Variants in OR7A5 observed in about 807,000 individuals in gnomAD.
OR7A5 encodes the protein olfactory receptor 7A5.
For synonymous variants in OR7A5, 140 were observed against 146.7 expected (o/e 0.95, Z 0.33); for missense variants, 319 against 377.9 (o/e 0.84, Z 1.29).
At chr19:14,832,898 A>G (rs2044847750) in intron 1 of OR7A5, among the ~76,000 whole-genome samples, 1 of 151,788 alleles carries the variant, frequency 6.6e-6, no homozygotes, top group Non-Finnish European at 1.5e-5. Flanking sequence ...ATTTAATCAT[A>G]TCAACATAAA....
In OR7A5 at chr19:14,827,012, T is replaced by G. The variant is rs2044774099; in HGVS notation, c.*270A>C. ...AGGAGACATACAACTCTTCCCTGTATGAGACAAATGGAAATCTCCAAAGTG... is the reference window on the plus strand; with the variant it reads ...AGGAGACATACAACTCTTCCCTGTAGGAGACAAATGGAAATCTCCAAAGTG... On this transcript the variant is annotated 3_prime_UTR_variant, in exon 2 of 2. Transcript: ENST00000322301. 7.0e-6 allele frequency: 2 copies of G among 287,716 alleles called. No homozygotes were observed. Among genetic ancestry groups the G allele is most frequent in the Admixed American group, 4.7e-5 (1 of 21,486 alleles). The allele number at this position is 287,716 out of a possible 1,614,324, so 17.8% of individuals were successfully genotyped here.
chr19:14,826,793 A>C lies in OR7A5; in HGVS notation c.*489T>G, dbSNP rs1480054628. The C allele has an allele frequency of 1.3e-5, 2 of 152,814 alleles. No individual in the cohort carries two copies. Among genetic ancestry groups the C allele is most frequent in the Non-Finnish European group, 2.9e-5 (2 of 68,546 alleles). The allele number at this position is 152,814 out of a possible 1,614,324, so 9.5% of individuals were successfully genotyped here. On this transcript the variant is annotated 3_prime_UTR_variant, in exon 2 of 2. Coordinates refer to ENST00000322301, the MANE Select transcript of OR7A5 (RefSeq NM_017506.2). ...GCACTGACAAAGACATGATGTCCTA[A>C]TGAGGACAACACAATCTCATGACCA...
chr19:14,832,835 T>C (rs1308559072), intron 1 of OR7A5, among the ~76,000 whole-genome samples: 2 of 152,122 alleles, frequency 1.3e-5, no homozygotes, highest in African/African-American at 4.8e-5. Flanking sequence ...TAATCAACTG[T>C]AGTGAATAAA....
chr19:14,827,531 T>C lies in OR7A5; in HGVS notation c.711A>G (p.Ala237=). 1 of 1,614,028 alleles carries C rather than the reference T, an allele frequency of 6.2e-7. No individual in the cohort carries two copies. The highest frequency in any genetic ancestry group is 8.5e-7 in the Non-Finnish European group (1 of 1,179,992). The part of the protein sequence containing the change: ...AISSAQGKYK[A]FSTCASHLSV... ...AGAGGTGAGATGCACAGGTGGAAAA[T>C]GCCTTGTACTTCCCCTGAGCTGATG... Residue 237 remains alanine, a synonymous_variant, in exon 2 of 2, where the codon GCA becomes GCG. Coordinates refer to ENST00000322301, the MANE Select transcript of OR7A5 (RefSeq NM_017506.2).
At chr19:14,833,443 C>G (rs949564872) in intron 1 of OR7A5, among the ~76,000 whole-genome samples, 2 of 152,184 alleles carry the variant, frequency 1.3e-5, no homozygotes, top group South Asian at 4.1e-4. Flanking sequence ...CGCACCACTG[C>G]ATTCCATCCT....
rs754823044 is a variant in OR7A5 at position 14,826,475 on chromosome 19, C to A, written c.*807G>T. 11 of 152,104 alleles carry A rather than the reference C, an allele frequency of 7.2e-5. No homozygotes were observed. Among genetic ancestry groups the A allele is most frequent in the Admixed American group, 2.0e-4 (3 of 15,272 alleles). 9.4% of individuals were successfully genotyped at this position (152,104 alleles called of 1,614,324 possible). ...GTATGGATGCATGAAACATTATAGACCATGGCACCAAATCCATCACTCCAA... is the reference window on the plus strand; with the variant it reads ...GTATGGATGCATGAAACATTATAGAACATGGCACCAAATCCATCACTCCAA... On this transcript the variant is annotated 3_prime_UTR_variant, in exon 2 of 2. Coordinates refer to ENST00000322301, the MANE Select transcript of OR7A5 (RefSeq NM_017506.2).
chr19:14,832,536 C>G (rs2044843750), intron 1 of OR7A5, among the ~76,000 whole-genome samples: 1 of 151,742 alleles, frequency 6.6e-6, no homozygotes, highest in Non-Finnish European at 1.5e-5. Flanking sequence ...AAGCGATTCT[C>G]CTGCCTCAAC....
rs368950783 is a variant in OR7A5, at chr19:14,828,268, A to G, written c.-13-14T>C. ...TGATTGAAGTGACTATCAGAGAGAG[A>G]GAGAGAAAGAGGGAAACGAGACAGG... On this transcript the variant is annotated splice_polypyrimidine_tract_variant and intron_variant, in intron 1 of 1. Transcript: ENST00000322301. 2.6e-5 allele frequency: 41 copies of G among 1,580,488 alleles called. No homozygotes were observed. The African/African-American group carries it at 5.3e-4, about 20-fold the overall frequency.
chr19:14,828,664 C>G (rs2044799007), intron 1 of OR7A5, among the ~76,000 whole-genome samples: 2 of 142,198 alleles, frequency 1.4e-5, no homozygotes, highest in Admixed American at 1.6e-4. Context: ...GAGGCTGAGG[C>G]AAGGAGAATC....
chr19:14,828,122 G>C lies in OR7A5; in HGVS notation c.120C>G (p.Leu40=). The change falls in exon 2 of 2, where the codon CTC becomes CTG. Residue 40 remains leucine, a synonymous_variant. Transcript: ENST00000322301. ...LFLSMYLVTV[L]GNLLIILATI... ...TGGCCAGGATGATGAGCAGGTTCCC[G>C]AGCACAGTGACCAGGTACATGGACA... The C allele has an allele frequency of 6.2e-7, 1 of 1,614,128 alleles. No individual in the cohort carries two copies. The highest frequency in any genetic ancestry group is 8.5e-7 in the Non-Finnish European group (1 of 1,180,012).
At chr19:14,829,894 C>T (rs935764695) in intron 1 of OR7A5, among the ~76,000 whole-genome samples, 1 of 152,242 alleles carries the variant, frequency 6.6e-6, no homozygotes, top group African/African-American at 2.4e-5. Flanking sequence ...GCACACTGGC[C>T]GAAGAGGGCC....
chr19:14,828,017 G>A lies in OR7A5; in HGVS notation c.225C>T (p.Ser75=), dbSNP rs1312224739. Residue 75 remains serine (S), a synonymous_variant, in exon 2 of 2, where the codon TCC becomes TCT. Coordinates refer to ENST00000322301, the MANE Select transcript of OR7A5 (RefSeq NM_017506.2). ...TCATCAGCATTTTTGGAATGGTGGT[G>A]GAAGTAACACAAATGTCAGCAAAGG... ...NLSFADICVT[S]TTIPKMLMNI... is the part of the protein sequence containing the mutation. 1.2e-6 allele frequency: 2 copies of A among 1,614,210 alleles called. No individual in the cohort carries two copies. Among genetic ancestry groups the A allele is most frequent in the East Asian group, 4.5e-5 (2 of 44,886 alleles).
At chr19:14,834,569 G>T (rs1469865342) in intron 1 of OR7A5, among the ~76,000 whole-genome samples, 1 of 152,154 alleles carries the variant, frequency 6.6e-6, no homozygotes, top group African/African-American at 2.4e-5. Context: ...TAGCGTAAGA[G>T]AAAATCCTGC....
chr19:14,834,457 C>T (rs899978134), intron 1 of OR7A5, among the ~76,000 whole-genome samples: 4 of 152,266 alleles, frequency 2.6e-5, no homozygotes, highest in Admixed American at 6.5e-5. Flanking sequence ...GCCTAAACAA[C>T]ACACAAATAT....
chr19:14,828,111 A>G lies in OR7A5; in HGVS notation c.131T>C (p.Leu44Pro). 1.9e-6 allele frequency: 3 copies of G among 1,614,150 alleles called. No individual in the cohort carries two copies. The highest frequency in any genetic ancestry group is 1.7e-6 in the Non-Finnish European group (2 of 1,180,028). Residue 44 changes from leucine to proline, a missense_variant, in exon 2 of 2, where the codon CTC becomes CCC. Leu to Pro is a moderately conservative substitution (Grantham distance 98). Transcript: ENST00000322301. ...MYLVTVLGNLLIILATISDSH... is the reference protein window; with the variant it reads ...MYLVTVLGNLPIILATISDSH... ...GTCTGAGATTGTGGCCAGGATGATG[A>G]GCAGGTTCCCGAGCACAGTGACCAG...
At position 14,834,389 on chromosome 19, in the gene OR7A5, T is replaced by G. The variant is rs187204989; in HGVS notation, c.-14+685A>C. Among the ~76,000 whole-genome samples, 61 of 152,280 alleles carry G rather than the reference T, an allele frequency of 4.0e-4. 1 individual carries two copies. The highest frequency in any genetic ancestry group is 3.4e-3 in the Middle Eastern group (1 of 294). On this transcript the variant is annotated intron_variant, in intron 1 of 1. Transcript: ENST00000322301. ...CTATTGATATTCTGGGCTAGATCAC[T>G]CTCTTTGATAAAGTCTATCCTATAC...
At position 14,827,717 on chromosome 19, in the gene OR7A5, G is replaced by A; in HGVS notation, c.525C>T (p.Pro175=). The A allele has an allele frequency of 2.5e-6, 4 of 1,614,108 alleles. No homozygotes were observed. The South Asian group carries it at 4.4e-5, about 18-fold the overall frequency. ...RLSFCTALEI[P]HFFCELNQVI... ...CCTGATTAAGTTCACAGAAAAAGTG[G>A]GGGATTTCTAAGGCTGTGCAGAAGG... Residue 175 remains proline (P), a synonymous_variant, in exon 2 of 2, where the codon CCC becomes CCT. Transcript: ENST00000322301.
rs2044769198 is a variant in OR7A5, at chr19:14,826,523, C to T, written c.*759G>A. On this transcript the variant is annotated 3_prime_UTR_variant, in exon 2 of 2. Transcript: ENST00000322301. ...CAATAAATAAACTTATATATGGGCA[C>T]TAAGCTTCCATACTTCAATGAGTCC... The T allele has an allele frequency of 6.6e-6, 1 of 152,128 alleles. No homozygotes were observed. The highest frequency in any genetic ancestry group is 2.1e-4 in the South Asian group (1 of 4,828). The allele number at this position is 152,128 out of a possible 1,614,324, so 9.4% of individuals were successfully genotyped here. A position where few individuals can be genotyped will look rare whatever the true frequency, so the allele number is the denominator to read the frequency against.
chr19:14,833,995 C>CCGGGTACTCTAATTTTGGTGACAG (rs1555696582), intron 1 of OR7A5, among the ~76,000 whole-genome samples: 3 of 152,146 alleles, frequency 2.0e-5, no homozygotes, highest in South Asian at 2.1e-4. Flanking sequence ...CGTGGTGGCA[C>CCGGGTACTCTAATTTTGGTGACAG]ACGTCTGCAA....
Sources: allele counts gnomAD v4.1 joint callset (sites outside exome capture counted in the v4.1 genomes callset), GRCh38; gene constraint gnomAD v4.1.1; transcripts MANE v1.5; gene names NCBI Gene and HGNC (gene_info 2026-07-23, HGNC 2026-07-21).